The following TLN2 variants were observed in gnomAD, a reference collection of about 807,000 sequenced individuals.
TLN2 encodes talin 2, also known as talin-2.
In TLN2, 118 loss-of-function variants were observed where a neutral mutation model predicts 294.7. The observed-to-expected ratio is 0.40, with a 90% CI of 0.34 to 0.47. The LOEUF (loss-of-function observed/expected upper bound fraction) is 0.47. Among genes scored for constraint, TLN2 ranks in the 20% least tolerant of loss-of-function variants. TLN2 has a pLI of 0.84. For synonymous variants in TLN2, 1,431 were observed against 1,304.5 expected (o/e 1.10, Z -2.09); for missense variants, 3,083 against 3,282.2 (o/e 0.94, Z 1.48).
At chr15:62,644,771 G>C (rs2051628654) in intron 3 of TLN2, 2 of 351,772 alleles carry the variant, frequency 5.7e-6, no homozygotes, top group South Asian at 2.2e-5. Flanking sequence ...GTTAGGTCCT[G>C]CTGTTACATT....
At chr15:62,811,531 A>G (rs917557588) in intron 52 of TLN2, among the ~76,000 whole-genome samples, 1 of 152,194 alleles carries the variant, frequency 6.6e-6, no homozygotes, top group Non-Finnish European at 1.5e-5. Flanking sequence ...AAATTGGACA[A>G]TAGGGTGCAA....
intron 9 of TLN2, among the ~76,000 whole-genome samples, chr15:62,664,701 A>T (rs1295672473): frequency 6.6e-6 from 1 of 151,618 alleles, no homozygotes; most frequent in Non-Finnish European, 1.5e-5. Flanking sequence ...TCTACTACAG[A>T]TACAAAATTA....
chr15:62,556,176 G>T (rs1596113231), intron 1 of TLN2, among the ~76,000 whole-genome samples: 1 of 149,434 alleles, frequency 6.7e-6, no homozygotes, highest in African/African-American at 2.5e-5. Context: ...AGATTGGTTT[G>T]GCATATATAT....
Position 62,405,977 on chromosome 15 carries a change from G to T in TLN2, c.-238+15292G>T, listed in dbSNP as rs79952739. Among the ~76,000 whole-genome samples the T allele has an allele frequency of 7.3e-3, 1,119 of 152,282 alleles. 11 individuals are homozygous for T. Among genetic ancestry groups the T allele is most frequent in the African/African-American group, 0.026 (1,077 of 41,546 alleles). On this transcript the variant is annotated intron_variant, in intron 1 of 58. Transcript: ENST00000636159. Reference sequence around the variant, plus strand: ...ATGAACCTCAGAAGTTGTTTAGATGGAGCTTTATGAATGTGCCTGGTGAAG... The same window carrying T: ...ATGAACCTCAGAAGTTGTTTAGATGTAGCTTTATGAATGTGCCTGGTGAAG...
chr15:62,838,128 C>G (rs2070009208), intron 57 of TLN2: 1 of 152,204 alleles, frequency 6.6e-6, no homozygotes, highest in African/African-American at 2.4e-5. Context: ...AGCAGTCACT[C>G]CATCTTAGAG....
chr15:62,538,998 G>A (rs997286143), intron 1 of TLN2, among the ~76,000 whole-genome samples: 3 of 152,126 alleles, frequency 2.0e-5, no homozygotes, highest in African/African-American at 7.2e-5. Flanking sequence ...CTTCTGGTAG[G>A]GGATTTAGGA....
rs2045141924 is a variant in TLN2, at chr15:62,582,219, C to CACACACACACACACACACAT, written c.-237-7449_-237-7448insTACACACACACACACACACA. ...ATACACACACACACACACACACACA[C>CACACACACACACACACACAT]ACACACACACACACACACACACACA... is the stretch of plus-strand genomic sequence containing the variant. On this transcript the variant is annotated intron_variant, in intron 1 of 58. Coordinates refer to ENST00000636159, the MANE Select transcript of TLN2 (RefSeq NM_015059.3). Among the ~76,000 whole-genome samples, 37 of 135,312 alleles carry CACACACACACACACACACAT rather than the reference C, an allele frequency of 2.7e-4. 1 individual carries two copies. The highest frequency in any genetic ancestry group is 7.1e-4 in the East Asian group (3 of 4,202). 88.8% of individuals were successfully genotyped at this position (135,312 alleles called of 152,430 possible).
chr15:62,740,526 A>T, intron 31 of TLN2, 104 bp from the exon 32 acceptor site: 1 of 1,507,916 alleles, frequency 6.6e-7, no homozygotes, highest in Non-Finnish European at 9.0e-7. Flanking sequence ...TGTGATCTAT[A>T]CGGATAACCT....
chr15:62,801,977 T>G (rs1323589901), intron 50 of TLN2, among the ~76,000 whole-genome samples: 1 of 152,192 alleles, frequency 6.6e-6, no homozygotes, highest in South Asian at 2.1e-4. Flanking sequence ...TATACTCTTT[T>G]AGTTATTTTT....
chr15:62,575,707 T>G (rs1318084667), intron 1 of TLN2, among the ~76,000 whole-genome samples: 1 of 152,200 alleles, frequency 6.6e-6, no homozygotes, highest in African/African-American at 2.4e-5. Flanking sequence ...TAAAGTCCAC[T>G]GCCCTGCAGA....
At position 62,802,211 on chromosome 15, in the gene TLN2, A is replaced by G. The variant is rs575609722; in HGVS notation, c.6477+1442A>G. 2.6e-5 allele frequency among the ~76,000 whole-genome samples: 4 copies of G among 152,208 alleles called. No individual in the cohort carries two copies. In the South Asian group the frequency reaches 8.3e-4, roughly 32 times the overall value. ...TTTTCTGTCACAAATAAGTGAGAAC[A>G]TGCAAAGTGTGTCTTTCTGTGCCTG... On this transcript the variant is annotated intron_variant, in intron 50 of 58. Transcript: ENST00000636159.
At position 62,640,230 on chromosome 15, in the gene TLN2, TTTG is replaced by T. The variant is rs1223378603; in HGVS notation, c.-36-7044_-36-7042del. Reference sequence around the variant, plus strand: ...GGAGTGGAGAAGGGGAAGCTCTTTCTTTGGTGTTTCTTTGAGAGAGCTGAATCA... The same window carrying T: ...GGAGTGGAGAAGGGGAAGCTCTTTCTGTGTTTCTTTGAGAGAGCTGAATCA... On this transcript the variant is annotated intron_variant, in intron 3 of 58. Transcript: ENST00000636159. 1.3e-5 allele frequency: 6 copies of T among 455,942 alleles called. No individual in the cohort carries two copies. In the Admixed American group the frequency reaches 1.4e-4, roughly 11 times the overall value. The allele number at this position is 455,942 out of a possible 1,614,324, so 28.2% of individuals were successfully genotyped here.
chr15:62,783,960 A>G (rs762260942), intron 45 of TLN2, 70 bp downstream of exon 45: 14 of 1,598,216 alleles, frequency 8.8e-6, no homozygotes, highest in African/African-American at 1.3e-5. Flanking sequence ...GTATTTCTTC[A>G]TAGCTTAGCT....
chr15:62,396,334 A>C (rs2032543123), intron 1 of TLN2, among the ~76,000 whole-genome samples: 2 of 152,238 alleles, frequency 1.3e-5, no homozygotes, highest in Admixed American at 1.3e-4. Flanking sequence ...ATATTTGGTT[A>C]ATGGATAAGA....
intron 51 of TLN2, 38 bp downstream of exon 51, chr15:62,805,823 T>C: frequency 6.3e-7 from 1 of 1,591,384 alleles, no homozygotes; most frequent in Non-Finnish European, 8.6e-7. Flanking sequence ...GACAGATGAT[T>C]CTCTGTCGTG....
At chr15:62,815,718 T>C (rs531742580) in intron 52 of TLN2, among the ~76,000 whole-genome samples, 3 of 152,338 alleles carry the variant, frequency 2.0e-5, no homozygotes, top group African/African-American at 4.8e-5. Context: ...TAGTTTTTCT[T>C]TGGAAAATGC....
chr15:62,775,032 C>T (rs2141061401), intron 42 of TLN2, among the ~76,000 whole-genome samples: 1 of 146,294 alleles, frequency 6.8e-6, no homozygotes, highest in East Asian at 2.1e-4. Flanking sequence ...TCTCAGCTCA[C>T]TGCAAGCTCC....
intron 50 of TLN2, among the ~76,000 whole-genome samples, chr15:62,802,045 G>C (rs4555103): frequency 0.22 from 33,353 of 151,810 alleles, 4,597 homozygotes; most frequent in African/African-American, 0.4. Flanking sequence ...CAAATACTAG[G>C]TCTTATTCAT....
chr15:62,455,407 C>A, intron 1 of TLN2, among the ~76,000 whole-genome samples: 1 of 152,042 alleles, frequency 6.6e-6, no homozygotes, highest in East Asian at 1.9e-4. Flanking sequence ...TAAACCAAGA[C>A]AAAAAGATGG....
Sources: gnomAD v4.1 joint callset for allele counts (sites outside exome capture counted in the v4.1 genomes callset) on GRCh38, gnomAD v4.1.1 for gene constraint, MANE v1.5 for transcripts, NCBI Gene and HGNC (gene_info 2026-07-23, HGNC 2026-07-21) for gene names.